FYCO1: variants seen among roughly 807,000 people sequenced by gnomAD.
The protein encoded by FYCO1 is FYVE and coiled-coil domain-containing protein 1.
In FYCO1, 122 loss-of-function variants were observed where a neutral mutation model predicts 165.1. That is an observed-to-expected ratio of 0.74 (90% confidence interval 0.64 to 0.86). The LOEUF is 0.86. FYCO1 is among the 40% of genes least tolerant of loss of function. FYCO1 has a pLI of 0.00. For missense variants in FYCO1, 1,702 were observed against 1,810.3 expected, an observed-to-expected ratio of 0.94 and a Z score of 1.09; for synonymous variants, 648 against 742.5, an observed-to-expected ratio of 0.87 and a Z score of 2.07.
At chr3:45,959,876 G>A (rs1157493250) in intron 11 of FYCO1, among the ~76,000 whole-genome samples, 1 of 152,222 alleles carries the variant, frequency 6.6e-6, no homozygotes, top group Non-Finnish European at 1.5e-5. Flanking sequence ...AAGCTAAAAC[G>A]TGCTGCCATG....
At chr3:45,927,346 A>G (rs1195473377) in intron 16 of FYCO1, among the ~76,000 whole-genome samples, 2 of 152,244 alleles carry the variant, frequency 1.3e-5, no homozygotes, top group East Asian at 3.8e-4. Context: ...TCTACAATGG[A>G]ATTAAATTAG....
chr3:45,958,377 A>C, intron 13 of FYCO1, 31 bp downstream of exon 13: 1 of 1,594,788 alleles, frequency 6.3e-7, no homozygotes, highest in Non-Finnish European at 8.6e-7. Flanking sequence ...CACCTAGAGA[A>C]CATAGTAGGC....
chr3:45,957,428 T>A (rs1705404068), intron 13 of FYCO1, among the ~76,000 whole-genome samples: 1 of 152,250 alleles, frequency 6.6e-6, no homozygotes, highest in Non-Finnish European at 1.5e-5. Flanking sequence ...GATAAACTTC[T>A]GCTCTTTGAA....
At chr3:45,934,259 A>G (rs1035062339) in intron 15 of FYCO1, among the ~76,000 whole-genome samples, 7 of 152,226 alleles carry the variant, frequency 4.6e-5, no homozygotes, top group African/African-American at 1.7e-4. Context: ...CTTCCCAAAT[A>G]TGATGACAGA....
At chr3:45,943,010 T>G (rs779783211) in intron 14 of FYCO1, among the ~76,000 whole-genome samples, 1 of 152,196 alleles carries the variant, frequency 6.6e-6, no homozygotes, top group Non-Finnish European at 1.5e-5. Context: ...CTCAGTGTTC[T>G]CATCTATAAA....
chr3:45,971,821 A>C (rs985609333), intron 6 of FYCO1, among the ~76,000 whole-genome samples: 2 of 152,250 alleles, frequency 1.3e-5, no homozygotes, highest in African/African-American at 4.8e-5. Context: ...GAGAGACATT[A>C]CTGAGATAAT....
chr3:45,939,022 C>A (rs975161998), intron 14 of FYCO1, among the ~76,000 whole-genome samples: 14 of 152,334 alleles, frequency 9.2e-5, no homozygotes, highest in African/African-American at 1.2e-4. Context: ...AGCAAAGATA[C>A]CAGATACTCA....
Position 45,968,093 on chromosome 3 carries a change from C to A in FYCO1, c.1241G>T (p.Arg414Ile), listed in dbSNP as rs1706199374. ...GEKLQALERE[R>I]TKVEEVNRQQ... ...TCTGTTGACCTCCTCGACCTTGGTT[C>A]TCTCCCTTTCTAGGGCTTGAAGCTT... The change falls in exon 8 of 18, where the codon AGA becomes ATA. Residue 414 changes from arginine (R) to isoleucine (I), a missense_variant. Coordinates refer to ENST00000296137, the MANE Select transcript of FYCO1 (RefSeq NM_024513.4). 3 of 1,614,204 alleles carry A rather than the reference C, an allele frequency of 1.9e-6. No individual in the cohort carries two copies. In the East Asian group the frequency reaches 6.7e-5, roughly 36 times the overall value.
At position 45,964,410 on chromosome 3, in the gene FYCO1, G is replaced by A. The variant is rs1705874172; in HGVS notation, c.3195C>T (p.Asn1065=). 6.2e-7 allele frequency: 1 copy of A among 1,613,984 alleles called. No homozygotes were observed. The highest frequency in any genetic ancestry group is 1.7e-5 in the Admixed American group (1 of 59,996). ...TGGCCGCCTGGCACTCTGCAAGATG[G>A]TTGCTAGTGCAGCTCAGCTTCTCTC... ...DMGEKLSCTS[N]HLAECQAAML... The change falls in exon 10 of 18, where the codon AAC becomes AAT. Residue 1065 remains asparagine (N), a synonymous_variant. Coordinates refer to ENST00000296137, the MANE Select transcript of FYCO1 (RefSeq NM_024513.4). This position sits in a 1 kb window ranked among gnomAD's most constrained non-coding sequence, Gnocchi z 4.1.
At chr3:45,980,028 G>A (rs1706968815) in intron 3 of FYCO1, among the ~76,000 whole-genome samples, 198 bp from the exon 4 acceptor site, 1 of 152,222 alleles carries the variant, frequency 6.6e-6, no homozygotes, top group Non-Finnish European at 1.5e-5. Flanking sequence ...CACCGAAGGT[G>A]TTATTAACGG....
At chr3:45,970,663 A>C (rs1178824820) in intron 6 of FYCO1, among the ~76,000 whole-genome samples, 1 of 152,194 alleles carries the variant, frequency 6.6e-6, no homozygotes, top group Non-Finnish European at 1.5e-5. Flanking sequence ...CACTGTTAGC[A>C]TAAAAGCAGC....
At chr3:45,979,942 C>T in intron 3 of FYCO1, 112 bp from the exon 4 acceptor site, 1 of 1,288,346 alleles carries the variant, frequency 7.8e-7, no homozygotes, top group Admixed American at 1.8e-5. Flanking sequence ...TGGGTGAGGC[C>T]CTTTATTGGC....
chr3:45,973,200 G>A lies in FYCO1; in HGVS notation c.427C>T (p.Gln143Ter). ...ACAATGTCCGAGCTCAGCTTTGGCTGCAGAAAGGGGCTTCTTGCATAGTAC... is the reference window on the plus strand; with the variant it reads ...ACAATGTCCGAGCTCAGCTTTGGCTACAGAAAGGGGCTTCTTGCATAGTAC... ...DWYYARSPFL[Q>*]PKLSSDIVGQ... is the part of the protein sequence containing the mutation. The change falls in exon 6 of 18, where the codon CAG becomes TAG. Residue 143 changes from glutamine (Q) to a stop codon, truncating the protein, a stop_gained. Coordinates refer to ENST00000296137, the MANE Select transcript of FYCO1 (RefSeq NM_024513.4). LOFTEE classifies it high-confidence loss of function. 1 of 1,614,168 alleles carries A rather than the reference G, an allele frequency of 6.2e-7. No homozygotes were observed. Among genetic ancestry groups the A allele is most frequent in the South Asian group, 1.1e-5 (1 of 91,082 alleles).
Position 45,968,459 on chromosome 3 carries a change from G to C in FYCO1, c.875C>G (p.Thr292Ser). Residue 292 changes from threonine to serine, a missense_variant, in exon 8 of 18, where the codon ACT (threonine) becomes AGT (serine). By Grantham distance (58) the Thr-to-Ser change is moderately conservative. Coordinates refer to ENST00000296137, the MANE Select transcript of FYCO1 (RefSeq NM_024513.4). Reference protein sequence around the residue: ...RTAAEDNVRLTCLVAELQKQW... With the variant: ...RTAAEDNVRLSCLVAELQKQW... ...CTTCTGGAGCTCAGCTACCAAGCAA[G>C]TGAGGCGAACGTTGTCCTCCGCTGC... is the stretch of plus-strand genomic sequence containing the variant. The C allele has an allele frequency of 8.7e-6, 14 of 1,614,046 alleles. No homozygotes were observed. Among genetic ancestry groups the C allele is most frequent in the Non-Finnish European group, 1.2e-5 (14 of 1,180,050 alleles).
At chr3:45,955,717 T>TA (rs1178153027) in intron 13 of FYCO1, among the ~76,000 whole-genome samples, 1 of 152,218 alleles carries the variant, frequency 6.6e-6, no homozygotes, top group African/African-American at 2.4e-5. Flanking sequence ...AAAATCTTAT[T>TA]AAGAAAGAAC....
intron 13 of FYCO1, among the ~76,000 whole-genome samples, chr3:45,956,996 C>T (rs184902094): frequency 6.6e-6 from 1 of 152,314 alleles, no homozygotes; most frequent in East Asian, 1.9e-4. Flanking sequence ...CTTTATAAAA[C>T]TATGGTCATC....
chr3:45,923,788 A>G (rs1385948174), intron 16 of FYCO1, 23 bp from the exon 17 acceptor site: 2 of 1,512,974 alleles, frequency 1.3e-6, no homozygotes, highest in South Asian at 2.2e-5. Flanking sequence ...GCAGGTAGGC[A>G]AAAACATCAC....
chr3:45,971,726 TG>T (rs1401276865), intron 6 of FYCO1, among the ~76,000 whole-genome samples: 1 of 152,218 alleles, frequency 6.6e-6, no homozygotes, highest in Non-Finnish European at 1.5e-5. Context: ...ACTGAAAAAC[TG>T]TTCAAAATTA....
chr3:45,976,612 G>T (rs1706774092), intron 4 of FYCO1, among the ~76,000 whole-genome samples: 1 of 152,148 alleles, frequency 6.6e-6, no homozygotes, highest in Admixed American at 6.5e-5. Context: ...ATGGGGGAAG[G>T]GGGAGCAGTG....
Sources: allele counts gnomAD v4.1 joint callset (sites outside exome capture counted in the v4.1 genomes callset), GRCh38; gene constraint gnomAD v4.1.1; non-coding constraint Gnocchi (gnomAD v3.1); transcripts MANE v1.5; gene names NCBI Gene and HGNC (gene_info 2026-07-23, HGNC 2026-07-21).